GRID1: variants seen among roughly 807,000 people sequenced by gnomAD.
GRID1 encodes the protein glutamate receptor ionotropic, delta-1.
GRID1 carries 28 observed loss-of-function variants against 98.0 expected under a neutral mutation model. That is an observed-to-expected ratio of 0.29 (90% confidence interval 0.21 to 0.39). The LOEUF is 0.39. Ranked by LOEUF, GRID1 falls within the 10% of genes least tolerant of loss-of-function variation. The pLI is 1.00. For missense variants in GRID1, 1,111 were observed against 1,340.5 expected (o/e 0.83, Z 2.67); for synonymous variants, 553 against 538.5 (o/e 1.03, Z -0.37).
At chr10:86,086,724 CTGTG>C (rs1844064032) in intron 4 of GRID1, among the ~76,000 whole-genome samples, 1 of 152,076 alleles carries the variant, frequency 6.6e-6, no homozygotes, top group Non-Finnish European at 1.5e-5. Flanking sequence ...GTGCAAGTGT[CTGTG>C]TGTGTGCATA....
chr10:86,238,252 C>T (rs922356718), intron 2 of GRID1, among the ~76,000 whole-genome samples: 6 of 152,334 alleles, frequency 3.9e-5, no homozygotes, highest in Admixed American at 3.9e-4. Context: ...CATCACAGGC[C>T]TGGAGGCCTA....
At chr10:86,362,051 C>T (rs1286320600) in intron 2 of GRID1, among the ~76,000 whole-genome samples, 2 of 152,208 alleles carry the variant, frequency 1.3e-5, no homozygotes, top group African/African-American at 4.8e-5. Context: ...GGGGAGCCAA[C>T]AGAGGTGTGT....
intron 2 of GRID1, among the ~76,000 whole-genome samples, chr10:86,333,856 G>T (rs1339087901): frequency 6.6e-6 from 1 of 152,166 alleles, no homozygotes; most frequent in Non-Finnish European, 1.5e-5. Flanking sequence ...AGAGGGGCTG[G>T]TTATGCTATC....
At chr10:86,311,689 A>G (rs1847834863) in intron 2 of GRID1, among the ~76,000 whole-genome samples, 1 of 152,118 alleles carries the variant, frequency 6.6e-6, no homozygotes, top group Non-Finnish European at 1.5e-5. Flanking sequence ...GAGAGTTCAA[A>G]ACTTAACTCA....
intron 5 of GRID1, among the ~76,000 whole-genome samples, chr10:85,895,016 AAT>A (rs67350023): frequency 0.14 from 13,744 of 96,470 alleles, 823 homozygotes; most frequent in East Asian, 0.29. Flanking sequence ...AAAAAAAAAA[AAT>A]ATATATATAT....
chr10:85,758,884 C>G lies in GRID1; in HGVS notation c.1234-29270G>C, dbSNP rs568627753. On this transcript the variant is annotated intron_variant, in intron 8 of 15. Coordinates refer to ENST00000327946, the MANE Select transcript of GRID1 (RefSeq NM_017551.3). Reference sequence around the variant, plus strand: ...ATAAGCTGGTGGAACAGACTCCAGACAAGCTGCTCCATTCTCACTGCTCAC... The same window carrying G: ...ATAAGCTGGTGGAACAGACTCCAGAGAAGCTGCTCCATTCTCACTGCTCAC... 1.1e-4 allele frequency among the ~76,000 whole-genome samples: 16 copies of G among 152,324 alleles called. 1 individual carries two copies. Among genetic ancestry groups the G allele is most frequent in the African/African-American group, 3.6e-4 (15 of 41,578 alleles).
chr10:85,947,570 G>T (rs12761888), intron 4 of GRID1, among the ~76,000 whole-genome samples: 2 of 151,722 alleles, frequency 1.3e-5, no homozygotes, highest in African/African-American at 2.4e-5. Flanking sequence ...ACAAGTGCAC[G>T]TCCATGGAGA....
At chr10:86,051,276 T>A (rs997443773) in intron 4 of GRID1, among the ~76,000 whole-genome samples, 3 of 148,368 alleles carry the variant, frequency 2.0e-5, no homozygotes, top group Non-Finnish European at 3.0e-5. Flanking sequence ...AAAGATAAAC[T>A]TCCAATAAAC....
At chr10:86,049,764 C>T (rs1843474961) in intron 4 of GRID1, among the ~76,000 whole-genome samples, 1 of 152,250 alleles carries the variant, frequency 6.6e-6, no homozygotes, top group African/African-American at 2.4e-5. Flanking sequence ...TTGAGAAATA[C>T]ATAACCTCCT....
At chr10:85,661,449 A>G (rs1219096609) in intron 12 of GRID1, among the ~76,000 whole-genome samples, 1 of 152,212 alleles carries the variant, frequency 6.6e-6, no homozygotes, top group Admixed American at 6.5e-5. Flanking sequence ...TCTGAAAACT[A>G]GAATCTCATT....
intron 12 of GRID1, among the ~76,000 whole-genome samples, chr10:85,669,079 G>C (rs563181669): frequency 9.8e-5 from 15 of 152,346 alleles, no homozygotes; most frequent in East Asian, 7.7e-4. Flanking sequence ...CTAATCACAG[G>C]GTTCCCCATT....
At chr10:85,924,301 C>G (rs1225128958) in intron 4 of GRID1, among the ~76,000 whole-genome samples, 1 of 152,194 alleles carries the variant, frequency 6.6e-6, no homozygotes, top group Admixed American at 6.5e-5. Flanking sequence ...CTTCATTATA[C>G]ACTTGATTTT....
chr10:85,841,020 T>C (rs1383463785), intron 8 of GRID1, among the ~76,000 whole-genome samples: 1 of 152,054 alleles, frequency 6.6e-6, no homozygotes, highest in African/African-American at 2.4e-5. Context: ...AAAAATAGCC[T>C]GAATAGCCAA....
At chr10:86,129,273 G>A (rs544236707) in intron 4 of GRID1, among the ~76,000 whole-genome samples, 11 of 152,110 alleles carry the variant, frequency 7.2e-5, no homozygotes, top group East Asian at 1.9e-4. Context: ...CTGCTACTCC[G>A]TGGCAATGTT....
chr10:85,818,910 A>G (rs1200567705), intron 8 of GRID1, among the ~76,000 whole-genome samples: 1 of 152,014 alleles, frequency 6.6e-6, no homozygotes, highest in East Asian at 1.9e-4. Flanking sequence ...TAGCAAAGAC[A>G]GGGGTTCGCC....
intron 4 of GRID1, among the ~76,000 whole-genome samples, chr10:86,005,778 G>A (rs765544854): frequency 3.3e-5 from 5 of 152,176 alleles, no homozygotes; most frequent in African/African-American, 7.2e-5. Flanking sequence ...TGATATGGAA[G>A]GGTAAGTGAC....
At chr10:86,233,546 G>A (rs1397798732) in intron 2 of GRID1, among the ~76,000 whole-genome samples, 1 of 152,148 alleles carries the variant, frequency 6.6e-6, no homozygotes, top group East Asian at 1.9e-4. Context: ...TGCCGGAGGG[G>A]ATGGCCCACT....
intron 8 of GRID1, among the ~76,000 whole-genome samples, chr10:85,770,051 G>C (rs1394263961): frequency 2.6e-5 from 4 of 152,192 alleles, no homozygotes; most frequent in Non-Finnish European, 5.9e-5. Flanking sequence ...CCTGACCCCT[G>C]AGCAGCCTAA....
intron 4 of GRID1, among the ~76,000 whole-genome samples, chr10:86,060,282 C>G (rs1468321606): frequency 3.9e-5 from 6 of 152,212 alleles, no homozygotes; most frequent in Non-Finnish European, 8.8e-5. Context: ...GACCCCCTCC[C>G]CTAAATATAG....
Sources: gnomAD v4.1 joint callset for allele counts (sites outside exome capture counted in the v4.1 genomes callset) on GRCh38, gnomAD v4.1.1 for gene constraint, MANE v1.5 for transcripts, NCBI Gene and HGNC (gene_info 2026-07-23, HGNC 2026-07-21) for gene names.